Variants in DNAH14 observed in about 807,000 individuals in gnomAD.
The protein encoded by DNAH14 is axonemal beta dynein heavy chain 14.
DNAH14 carries 478 observed loss-of-function variants against 520.9 expected under a neutral mutation model. The observed-to-expected ratio is 0.92, with a 90% CI of 0.85 to 0.99. The LOEUF (loss-of-function observed/expected upper bound fraction) is 0.99, where lower values mean the gene tolerates loss of function less well. Ranked by LOEUF, DNAH14 falls within the 50% of genes least tolerant of loss-of-function variation. The pLI is 0.00. For synonymous variants in DNAH14, 1,581 were observed against 1,757.2 expected, an observed-to-expected ratio of 0.90 and a Z score of 2.51; for missense variants, 4,831 against 5,234.5, an observed-to-expected ratio of 0.92 and a Z score of 2.38.
Position 225,147,234 on chromosome 1 carries a change from A to T in DNAH14, c.4925A>T (p.Asp1642Val). The T allele has an allele frequency of 6.5e-7, 1 of 1,545,622 alleles. No homozygotes were observed. The highest frequency in any genetic ancestry group is 2.0e-5 in the Admixed American group (1 of 49,848). Residue 1642 changes from aspartate (D) to valine (V), a missense_variant, in exon 31 of 86, where the codon GAC becomes GTC. Physicochemically the swap from Asp to Val is radical, Grantham distance 152. Coordinates refer to ENST00000682510, the MANE Select transcript of DNAH14 (RefSeq NM_001367479.1). ...ATCCTAACAATTAAGGCTGCAAAAG[A>T]CAACTATTCTGCCAGGTATTTGTCG... is the stretch of plus-strand genomic sequence containing the variant. ...SQILTIKAAK[D>V]NYSARFVLEG...
chr1:225,086,250 A>G (rs2073780090), intron 21 of DNAH14, among the ~76,000 whole-genome samples: 1 of 151,774 alleles, frequency 6.6e-6, no homozygotes, highest in African/African-American at 2.4e-5. Flanking sequence ...CTCCTGCCTC[A>G]GCCTCCCGAG....
At position 225,017,924 on chromosome 1, in the gene DNAH14, C is replaced by T. The variant is rs7539846; in HGVS notation, c.1108-5691C>T. Among the ~76,000 whole-genome samples the T allele has an allele frequency of 5.0e-3, 766 of 152,324 alleles. 6 individuals carry two copies. Among genetic ancestry groups the T allele is most frequent in the African/African-American group, 0.017 (723 of 41,586 alleles). On this transcript the variant is annotated intron_variant, in intron 10 of 85. Coordinates refer to ENST00000682510, the MANE Select transcript of DNAH14 (RefSeq NM_001367479.1). ...TAAAAACAAAGCCCAGTCCAAAGAA[C>T]AACAACTTCAAAGGATAAAGGAACA...
intron 20 of DNAH14, 54 bp from the exon 21 acceptor site, chr1:225,085,490 A>G: frequency 7.0e-7 from 1 of 1,422,106 alleles, no homozygotes; most frequent in Non-Finnish European, 9.4e-7. Context: ...CATTTTGGAC[A>G]TATCAGGAAT....
chr1:225,333,315 C>A lies in DNAH14; in HGVS notation c.9889C>A (p.Gln3297Lys). The A allele has an allele frequency of 1.3e-6, 2 of 1,551,316 alleles. No homozygotes were observed. The highest frequency in any genetic ancestry group is 1.7e-6 in the Non-Finnish European group (2 of 1,146,698). ...GACTCGATGGCAAGAAACAATCAATCAAATAGATAACAAATTAGAAGGAAT... is the reference window on the plus strand; with the variant it reads ...GACTCGATGGCAAGAAACAATCAATAAAATAGATAACAAATTAGAAGGAAT... ...EKTRWQETIN[Q>K]IDNKLEGILG... Residue 3297 changes from glutamine (Q) to lysine (K), a missense_variant, in exon 66 of 86, where the codon CAA (glutamine) becomes AAA (lysine). By Grantham distance (53) the Gln-to-Lys change is moderately conservative. Coordinates refer to ENST00000682510, the MANE Select transcript of DNAH14 (RefSeq NM_001367479.1).
chr1:224,958,828 C>T (rs537984768), intron 3 of DNAH14, among the ~76,000 whole-genome samples: 7 of 152,072 alleles, frequency 4.6e-5, no homozygotes, highest in Admixed American at 6.6e-5. Context: ...TTGGCTCTCC[C>T]GTGAGCCAGA....
At chr1:225,376,967 A>C (rs981042005) in intron 78 of DNAH14, among the ~76,000 whole-genome samples, 1 of 101,170 alleles carries the variant, frequency 9.9e-6, no homozygotes, top group African/African-American at 2.7e-5. Context: ...TCACCTTTAA[A>C]GCGTTTTTTT....
intron 69 of DNAH14, among the ~76,000 whole-genome samples, chr1:225,342,570 G>A (rs143426171): frequency 2.0e-5 from 3 of 151,772 alleles, no homozygotes; most frequent in African/African-American, 4.8e-5. Context: ...TTATATTCAA[G>A]AAATGTTTAT....
At chr1:225,156,080 C>G (rs1457901435) in intron 34 of DNAH14, among the ~76,000 whole-genome samples, 1 of 152,134 alleles carries the variant, frequency 6.6e-6, no homozygotes. Context: ...CCTAAGGCCT[C>G]TGACCTTATT....
intron 1 of DNAH14, among the ~76,000 whole-genome samples, chr1:224,946,219 C>T (rs908123454): frequency 2.2e-4 from 33 of 152,156 alleles, no homozygotes; most frequent in Non-Finnish European, 4.0e-4. Flanking sequence ...AGTCTCACTG[C>T]GGCCTTGCCC....
At chr1:225,382,853 A>AT (rs1407066366) in intron 81 of DNAH14, among the ~76,000 whole-genome samples, 1 of 152,232 alleles carries the variant, frequency 6.6e-6, no homozygotes, top group Non-Finnish European at 1.5e-5. Flanking sequence ...GTAATGAAAT[A>AT]TTATTCAGCC....
At chr1:224,942,498 CCTT>C (rs2059491445) in intron 1 of DNAH14, among the ~76,000 whole-genome samples, 1 of 152,110 alleles carries the variant, frequency 6.6e-6, no homozygotes, top group Non-Finnish European at 1.5e-5. Context: ...CCCTTTATTT[CCTT>C]CTTCTGCCTG....
intron 23 of DNAH14, among the ~76,000 whole-genome samples, chr1:225,114,551 ACTAGGACTTGC>A (rs1249959818): frequency 3.3e-5 from 5 of 152,278 alleles, no homozygotes; most frequent in East Asian, 1.9e-4. Context: ...CCAGCACGGC[ACTAGGACTTGC>A]CTAGGACTTG....
chr1:225,022,324 A>G (rs1465815426), intron 10 of DNAH14, among the ~76,000 whole-genome samples: 1 of 152,180 alleles, frequency 6.6e-6, no homozygotes, highest in African/African-American at 2.4e-5. Flanking sequence ...AACTTACAGA[A>G]TGAGAGAAAA....
At chr1:225,032,896 T>G (rs1035115985) in intron 11 of DNAH14, among the ~76,000 whole-genome samples, 7 of 151,762 alleles carry the variant, frequency 4.6e-5, no homozygotes, top group Non-Finnish European at 1.0e-4. Flanking sequence ...GAAGTGTTTG[T>G]TCATGTCCTT....
intron 58 of DNAH14, among the ~76,000 whole-genome samples, chr1:225,306,230 G>T (rs1403806593): frequency 1.3e-5 from 2 of 152,184 alleles, no homozygotes; most frequent in East Asian, 3.8e-4. Context: ...CGTTAACAAG[G>T]TCAGGTGGGG....
At chr1:225,284,896 T>C (rs900187166) in intron 54 of DNAH14, among the ~76,000 whole-genome samples, 14 of 152,036 alleles carry the variant, frequency 9.2e-5, no homozygotes, top group African/African-American at 3.4e-4. Context: ...CACACAATAA[T>C]CTCAGGAGAT....
intron 10 of DNAH14, among the ~76,000 whole-genome samples, chr1:225,016,594 G>C (rs2065233588): frequency 6.6e-6 from 1 of 152,116 alleles, no homozygotes; most frequent in African/African-American, 2.4e-5. Context: ...TCTCTTCCAA[G>C]ACATGGGAAA....
chr1:225,364,741 G>A, intron 75 of DNAH14, 51 bp from the exon 76 acceptor site: 3 of 1,316,648 alleles, frequency 2.3e-6, no homozygotes, highest in East Asian at 5.2e-5. Context: ...CTAAAAACAT[G>A]TTGGTTTACA....
chr1:225,325,498 A>T (rs1056083980), intron 64 of DNAH14, among the ~76,000 whole-genome samples: 10 of 151,922 alleles, frequency 6.6e-5, no homozygotes, highest in African/African-American at 1.2e-4. Context: ...AAAAAAAAAA[A>T]ATATCCAACT....
Sources: allele counts gnomAD v4.1 joint callset (sites outside exome capture counted in the v4.1 genomes callset), GRCh38; gene constraint gnomAD v4.1.1; transcripts MANE v1.5; gene names NCBI Gene and HGNC (gene_info 2026-07-23, HGNC 2026-07-21).